The following ITPR1 variants were observed in gnomAD, a reference collection of about 807,000 sequenced individuals.
The protein encoded by ITPR1 is inositol 1,4,5-trisphosphate receptor type 1.
ITPR1 carries 96 observed loss-of-function variants against 318.4 expected under a neutral mutation model. The ratio of observed to expected loss-of-function variants is 0.30; its 90% confidence interval spans 0.26 to 0.36. The LOEUF (loss-of-function observed/expected upper bound fraction) is 0.36, where lower values mean the gene tolerates loss of function less well. Ranked by LOEUF, ITPR1 falls within the 10% of genes least tolerant of loss-of-function variation. The pLI is 1.00. For synonymous variants in ITPR1, 1,312 were observed against 1,289.9 expected (o/e 1.02, Z -0.37); for missense variants, 2,440 against 3,460.2 (o/e 0.71, Z 7.40).
intron 3 of ITPR1, among the ~76,000 whole-genome samples, chr3:4,520,565 C>A (rs2082482203): frequency 1.3e-5 from 2 of 151,792 alleles, no homozygotes; most frequent in African/African-American, 4.8e-5. Flanking sequence ...ATTTTTTTTT[C>A]TTCCTTCTCT....
chr3:4,702,837 A>G lies in ITPR1; in HGVS notation c.4544A>G (p.Gln1515Arg). 1 of 1,613,828 alleles carries G rather than the reference A, an allele frequency of 6.2e-7. No individual in the cohort carries two copies. The highest frequency in any genetic ancestry group is 8.5e-7 in the Non-Finnish European group (1 of 1,179,794). The part of the protein sequence containing the change: ...SDQSTTLQTR[Q>R]PVFVQLLQGV... ...TCTTTTGGCTTCTTGCAGACTCGCC[A>G]GCCTGTCTTTGTGCAACTGCTGCAA... The change falls in exon 36 of 62, where the codon CAG (glutamine) becomes CGG (arginine). Residue 1515 changes from glutamine to arginine, a missense_variant. Transcript: ENST00000649015.
intron 4 of ITPR1, among the ~76,000 whole-genome samples, chr3:4,585,114 A>T (rs2089759033): frequency 6.6e-6 from 1 of 152,122 alleles, no homozygotes; most frequent in African/African-American, 2.4e-5. Context: ...TGTCATCTTG[A>T]TACTCAGTTC....
intron 4 of ITPR1, among the ~76,000 whole-genome samples, chr3:4,565,540 G>T (rs1266251994): frequency 6.6e-6 from 1 of 152,128 alleles, no homozygotes; most frequent in Non-Finnish European, 1.5e-5. Flanking sequence ...ATTAAATTTT[G>T]CCTCCTAGTG....
At chr3:4,744,194 C>T (rs978203666) in intron 44 of ITPR1, among the ~76,000 whole-genome samples, 8 of 152,142 alleles carry the variant, frequency 5.3e-5, no homozygotes, top group Non-Finnish European at 1.2e-4. Context: ...CCACAGTCTC[C>T]AAAATTTTAC....
chr3:4,717,327 A>G, intron 39 of ITPR1, 40 bp from the exon 40 acceptor site: 1 of 1,467,498 alleles, frequency 6.8e-7, no homozygotes, highest in Non-Finnish European at 9.4e-7. Flanking sequence ...TTCCTTTCCT[A>G]ACATTTCCTT....
Position 4,764,708 on chromosome 3 carries a change from G to C in ITPR1, c.5545-1822G>C, listed in dbSNP as rs571989381. On this transcript the variant is annotated intron_variant, in intron 44 of 61. Transcript: ENST00000649015. ...GGGAAGAGCTAGGAATATAAGAATAGGGCAGTGGCATTGAGCGTCTGCCAC... is the reference window on the plus strand; with the variant it reads ...GGGAAGAGCTAGGAATATAAGAATACGGCAGTGGCATTGAGCGTCTGCCAC... Among the ~76,000 whole-genome samples the C allele has an allele frequency of 3.9e-5, 6 of 152,312 alleles. No homozygotes were observed. In the South Asian group the frequency reaches 1.0e-3, roughly 26 times the overall value.
Position 4,779,349 on chromosome 3 carries a change from C to T in ITPR1, c.6292-201C>T, listed in dbSNP as rs1479318875. On this transcript the variant is annotated intron_variant, in intron 48 of 61. Transcript: ENST00000649015. The surrounding 1 kb of genome is among the most constrained non-coding windows in gnomAD (Gnocchi z 4.0). ...CCTCTTTGTCCGAAATCAGATTCTG[C>T]ACACGTATCTGGGGTCTGAAGGGGG... Among the ~76,000 whole-genome samples, 1 of 152,258 alleles carries T rather than the reference C, an allele frequency of 6.6e-6. No homozygotes were observed. Among genetic ancestry groups the T allele is most frequent in the Non-Finnish European group, 1.5e-5 (1 of 68,038 alleles).
At chr3:4,781,052 G>A (rs1423163290) in intron 49 of ITPR1, among the ~76,000 whole-genome samples, 1 of 152,220 alleles carries the variant, frequency 6.6e-6, no homozygotes, top group Non-Finnish European at 1.5e-5. Context: ...GCGTACATAC[G>A]TGTGTATGCT....
At chr3:4,544,432 C>G (rs751120108) in intron 4 of ITPR1, among the ~76,000 whole-genome samples, 2 of 152,194 alleles carry the variant, frequency 1.3e-5, no homozygotes, top group Admixed American at 6.5e-5. Flanking sequence ...ACGTATTCAC[C>G]TGATGCCAGT....
intron 52 of ITPR1, among the ~76,000 whole-genome samples, chr3:4,788,718 G>T (rs910947690): frequency 1.3e-5 from 2 of 152,206 alleles, no homozygotes; most frequent in South Asian, 4.1e-4. Context: ...TCCCCAGGGG[G>T]CTTCTGTGTT....
rs570295932 is a variant in ITPR1, at chr3:4,800,485, T to C, written c.6992T>C (p.Ile2331Thr). The C allele has an allele frequency of 3.1e-6, 5 of 1,614,050 alleles. No homozygotes were observed. The highest frequency in any genetic ancestry group is 4.5e-5 in the East Asian group (2 of 44,886). Residue 2331 changes from isoleucine to threonine, a missense_variant, in exon 54 of 62, where the codon ATC becomes ACC. Ile to Thr is a moderately conservative substitution (Grantham distance 89). Around this residue, in one of 23 missense-constraint regions of ITPR1, gnomAD observed 126 missense variants for 150.8 expected, o/e 0.84. Coordinates refer to ENST00000649015, the MANE Select transcript of ITPR1 (RefSeq NM_001378452.1). ...ACAGCCATGCTCATCTCTCTGGCCA[T>C]CGTCATTGCCCTCCCCAAGCCCCAT... is the stretch of plus-strand genomic sequence containing the variant. ...LWTAMLISLA[I>T]VIALPKPHGI...
At position 4,662,199 on chromosome 3, in the gene ITPR1, G is replaced by T. The variant is rs774125802; in HGVS notation, c.1369G>T (p.Ala457Ser). ...NDASKVLGSI[A>S]GKLEKGTITQ... Reference sequence around the variant, plus strand: ...TGCCAGCAAGGTGCTGGGCTCCATTGCTGGGAAGCTAGAGAAGGGCACCAT... The same window carrying T: ...TGCCAGCAAGGTGCTGGGCTCCATTTCTGGGAAGCTAGAGAAGGGCACCAT... The change falls in exon 15 of 62, where the codon GCT (alanine) becomes TCT (serine). Residue 457 changes from alanine to serine, a missense_variant. By Grantham distance (99) the Ala-to-Ser change is moderately conservative. This residue lies in a region of ITPR1 where 478 missense variants were observed against 696.3 expected (regional missense o/e 0.69). Coordinates refer to ENST00000649015, the MANE Select transcript of ITPR1 (RefSeq NM_001378452.1). 6.2e-7 allele frequency: 1 copy of T among 1,612,450 alleles called. No homozygotes were observed. Among genetic ancestry groups the T allele is most frequent in the Admixed American group, 1.7e-5 (1 of 59,936 alleles).
At chr3:4,757,989 T>A (rs759059724) in intron 44 of ITPR1, among the ~76,000 whole-genome samples, 2 of 152,154 alleles carry the variant, frequency 1.3e-5, no homozygotes, top group African/African-American at 2.4e-5. Context: ...CCAGAGTTGA[T>A]GTGAAAAGAG....
Position 4,846,423 on chromosome 3 carries a change from ACATTT to A in ITPR1, c.*204_*208del. ...TGTAATTAGAATTGTTGGCATGATG[ACATTT>A]CATTTGTGCCAAAAATATTAAAAAT... On this transcript the variant is annotated 3_prime_UTR_variant, in exon 62 of 62. Coordinates refer to ENST00000649015, the MANE Select transcript of ITPR1 (RefSeq NM_001378452.1). The A allele has an allele frequency of 2.6e-6, 1 of 386,442 alleles. No homozygotes were observed. Among genetic ancestry groups the A allele is most frequent in the East Asian group, 3.8e-5 (1 of 26,292 alleles). 23.9% of individuals were successfully genotyped at this position (386,442 alleles called of 1,614,324 possible). A position where few individuals can be genotyped will look rare whatever the true frequency, so the allele number is the denominator to read the frequency against.
At chr3:4,611,052 TCCCTC>T (rs2092077884) in intron 4 of ITPR1, among the ~76,000 whole-genome samples, 3 of 32,812 alleles carry the variant, frequency 9.1e-5, no homozygotes, top group African/African-American at 3.6e-4. Context: ...CCTCCCTCCC[TCCCTC>T]CCTTCCTTCC....
chr3:4,591,195 C>A (rs761788756), intron 4 of ITPR1, among the ~76,000 whole-genome samples: 2 of 152,168 alleles, frequency 1.3e-5, no homozygotes, highest in Non-Finnish European at 2.9e-5. Context: ...CATAATTGTG[C>A]ATGTGTATTT....
At chr3:4,828,536 A>G (rs1479075131) in intron 60 of ITPR1, among the ~76,000 whole-genome samples, 1 of 152,126 alleles carries the variant, frequency 6.6e-6, no homozygotes, top group Non-Finnish European at 1.5e-5. Flanking sequence ...TCAGCCTGGC[A>G]GCCTAGGTGC....
At chr3:4,634,970 T>G (rs971846371) in intron 5 of ITPR1, among the ~76,000 whole-genome samples, 6 of 152,250 alleles carry the variant, frequency 3.9e-5, no homozygotes, top group Non-Finnish European at 8.8e-5. Context: ...GTTGAACCCC[T>G]GACTTCAGGT....
chr3:4,512,058 G>A (rs959790568), intron 2 of ITPR1, among the ~76,000 whole-genome samples: 1 of 152,164 alleles, frequency 6.6e-6, no homozygotes, highest in Non-Finnish European at 1.5e-5. Flanking sequence ...TATGATCACA[G>A]CTCACTGCAG....
Sources: gnomAD v4.1 joint callset for allele counts (sites outside exome capture counted in the v4.1 genomes callset) on GRCh38, gnomAD v4.1.1 for gene constraint, gnomAD v4.1.1 regional missense constraint, Gnocchi (gnomAD v3.1) non-coding constraint, MANE v1.5 for transcripts, NCBI Gene and HGNC (gene_info 2026-07-23, HGNC 2026-07-21) for gene names.